The following PDE4D variants were observed in gnomAD, a reference collection of about 807,000 sequenced individuals.
PDE4D encodes phosphodiesterase 4D.
Under a neutral mutation model 87.4 loss-of-function variants are expected in PDE4D, and 24 were observed. The observed-to-expected ratio is 0.27, with a 90% confidence interval of 0.20 to 0.39. The LOEUF (loss-of-function observed/expected upper bound fraction) is 0.39. Ranked by LOEUF, PDE4D falls within the 10% of genes least tolerant of loss-of-function variation. The pLI is 1.00. For missense variants in PDE4D, 714 were observed against 1,041.0 expected (o/e 0.69, Z 4.32); for synonymous variants, 384 against 383.2 (o/e 1.00, Z -0.02).
chr5:60,396,289 A>G (rs1436579049), intron 1 of PDE4D, among the ~76,000 whole-genome samples: 1 of 152,184 alleles, frequency 6.6e-6, no homozygotes, highest in Non-Finnish European at 1.5e-5. Flanking sequence ...GAGTAAAAAT[A>G]AGAAAAGCCT....
intron 1 of PDE4D, among the ~76,000 whole-genome samples, chr5:59,495,319 A>G (rs1361643969): frequency 6.6e-6 from 1 of 152,124 alleles, no homozygotes; most frequent in Non-Finnish European, 1.5e-5. Flanking sequence ...AGTCCATCAT[A>G]TCTACTTACT....
intron 1 of PDE4D, among the ~76,000 whole-genome samples, chr5:60,447,584 T>A (rs547182856): frequency 1.3e-5 from 2 of 151,476 alleles, no homozygotes; most frequent in South Asian, 4.2e-4. Flanking sequence ...CACAAATCAG[T>A]GTGTGTTTAA....
In PDE4D at chr5:59,746,493, C is replaced by T. The variant is rs377233032; in HGVS notation, c.455+146675G>A. Among the ~76,000 whole-genome samples, 39 of 152,246 alleles carry T rather than the reference C, an allele frequency of 2.6e-4. No homozygotes were observed. The South Asian group carries it at 8.1e-3, about 32-fold the overall frequency. On this transcript the variant is annotated intron_variant, in intron 1 of 14. Coordinates refer to ENST00000340635, the MANE Select transcript of PDE4D (RefSeq NM_001104631.2). ...TCCCAGCAGAGGAGTTTGTGCTTGT[C>T]TGACTACATGGTCTTAAAACCAAGG...
At chr5:59,552,958 A>G (rs527662069) in intron 1 of PDE4D, among the ~76,000 whole-genome samples, 21 of 152,172 alleles carry the variant, frequency 1.4e-4, no homozygotes, top group Non-Finnish European at 2.4e-4. Context: ...AACTCTAGAA[A>G]ATTTATATAA....
At chr5:60,483,323 C>T (rs1277808143) in intron 1 of PDE4D, among the ~76,000 whole-genome samples, 1 of 152,072 alleles carries the variant, frequency 6.6e-6, no homozygotes, top group Non-Finnish European at 1.5e-5. Flanking sequence ...GCCACCACAC[C>T]CAGCCAAGAA....
intron 2 of PDE4D, among the ~76,000 whole-genome samples, chr5:60,127,106 C>T (rs1202094257): frequency 1.3e-5 from 2 of 152,050 alleles, no homozygotes; most frequent in African/African-American, 2.4e-5. Flanking sequence ...AAAGCAGAAG[C>T]ATGTGTTCCT....
At chr5:59,445,564 C>T (rs568950867) in intron 1 of PDE4D, among the ~76,000 whole-genome samples, 1 of 152,172 alleles carries the variant, frequency 6.6e-6, no homozygotes, top group Non-Finnish European at 1.5e-5. Flanking sequence ...TTGATAATAC[C>T]AATGATTTAG....
At position 59,945,456 on chromosome 5, in the gene PDE4D, A is replaced by G. The variant is rs570080912; in HGVS notation, c.272+43032T>C. 3.3e-5 allele frequency among the ~76,000 whole-genome samples: 5 copies of G among 152,318 alleles called. No homozygotes were observed. The East Asian group carries it at 9.6e-4, about 29-fold the overall frequency. ...TTTGTGCTGTTTTCCAAAAGGGCTG[A>G]GGTTAAGAGAGGTAGGATTCAATGA... On this transcript the variant is annotated intron_variant, in intron 3 of 16. Transcript: ENST00000502484.
intron 2 of PDE4D, among the ~76,000 whole-genome samples, chr5:60,087,891 G>T (rs1011323550): frequency 1.3e-5 from 2 of 152,020 alleles, no homozygotes; most frequent in Non-Finnish European, 2.9e-5. Context: ...CTATCCAAGT[G>T]CAGGAAGCTC....
At chr5:60,248,386 A>G (rs976401505) in intron 1 of PDE4D, among the ~76,000 whole-genome samples, 3 of 152,104 alleles carry the variant, frequency 2.0e-5, no homozygotes, top group Non-Finnish European at 4.4e-5. Flanking sequence ...GCCAGGCCCA[A>G]GAATGCCATG....
At chr5:59,501,813 T>C (rs1303619348) in intron 1 of PDE4D, among the ~76,000 whole-genome samples, 1 of 152,150 alleles carries the variant, frequency 6.6e-6, no homozygotes, top group Non-Finnish European at 1.5e-5. Context: ...TGCATTCATA[T>C]TGATAGGCTG....
rs1016551437 is a variant in PDE4D at position 59,215,583 on chromosome 5, G to A, written c.647+194C>T. 9.1e-6 allele frequency: 5 copies of A among 551,640 alleles called. No individual in the cohort carries two copies. In the Admixed American group the frequency reaches 1.2e-4, roughly 14 times the overall value. The allele number at this position is 551,640 out of a possible 1,614,324, so 34.2% of individuals were successfully genotyped here. On this transcript the variant is annotated intron_variant, in intron 2 of 14. Transcript: ENST00000340635. ...TGTGTGTGTGTGTGTGTGTGTGTGTGTGTGTTAATCAAGAGTGACAGTGCA... is the reference window on the plus strand; with the variant it reads ...TGTGTGTGTGTGTGTGTGTGTGTGTATGTGTTAATCAAGAGTGACAGTGCA...
intron 1 of PDE4D, among the ~76,000 whole-genome samples, chr5:59,542,910 T>C (rs1296109698): frequency 1.3e-5 from 2 of 152,136 alleles, no homozygotes; most frequent in African/African-American, 4.8e-5. Context: ...ACTAATCAAC[T>C]GAAACAAGCC....
intron 1 of PDE4D, among the ~76,000 whole-genome samples, chr5:59,736,627 C>T (rs535312695): frequency 6.6e-6 from 1 of 150,938 alleles, no homozygotes; most frequent in African/African-American, 2.4e-5. Context: ...TGCAGTGAGC[C>T]GAGATCATGC....
At chr5:59,744,614 G>A (rs761289826) in intron 1 of PDE4D, among the ~76,000 whole-genome samples, 15 of 152,090 alleles carry the variant, frequency 9.9e-5, no homozygotes, top group Non-Finnish European at 2.1e-4. Context: ...CCCTGCTTAA[G>A]AGATTTAAAA....
intron 3 of PDE4D, among the ~76,000 whole-genome samples, chr5:59,953,012 T>A (rs191712587): frequency 7.9e-5 from 12 of 152,272 alleles, no homozygotes; most frequent in African/African-American, 2.9e-4. Context: ...AATAGAAAAC[T>A]AATACATCCC....
At chr5:59,050,626 A>G (rs936970305) in intron 5 of PDE4D, among the ~76,000 whole-genome samples, 1 of 152,256 alleles carries the variant, frequency 6.6e-6, no homozygotes, top group Admixed American at 6.5e-5. Context: ...GAAAGTTATT[A>G]TACACACAGA....
chr5:60,433,803 A>C (rs1232626621), intron 1 of PDE4D, among the ~76,000 whole-genome samples: 1 of 152,238 alleles, frequency 6.6e-6, no homozygotes, highest in Admixed American at 6.5e-5. Context: ...CCATTATCCT[A>C]AGAGAACTAA....
At chr5:60,070,307 C>T (rs928394400) in intron 2 of PDE4D, among the ~76,000 whole-genome samples, 7 of 151,918 alleles carry the variant, frequency 4.6e-5, no homozygotes, top group Admixed American at 3.3e-4. Context: ...TTGAGTATGA[C>T]GTTAGTGATG....
Sources: gnomAD v4.1 joint callset for allele counts (sites outside exome capture counted in the v4.1 genomes callset) on GRCh38, gnomAD v4.1.1 for gene constraint, MANE v1.5 for transcripts, NCBI Gene and HGNC (gene_info 2026-07-23, HGNC 2026-07-21) for gene names.